The following SH3BGR variants were observed in gnomAD, a reference collection of about 807,000 sequenced individuals.
The protein encoded by SH3BGR is SH3 domain-binding glutamic acid-rich protein.
SH3BGR carries 29 observed loss-of-function variants against 24.5 expected under a neutral mutation model. That is an observed-to-expected ratio of 1.18 (90% CI 0.88 to 1.61). The LOEUF (loss-of-function observed/expected upper bound fraction) is 1.61. Among genes scored for constraint, SH3BGR ranks in the 40% most tolerant of loss-of-function variants. SH3BGR has a pLI of 0.00. For synonymous variants in SH3BGR, 55 were observed against 65.7 expected (o/e 0.84, Z 0.79); for missense variants, 162 against 205.8 (o/e 0.79, Z 1.30).
intron 4 of SH3BGR, among the ~76,000 whole-genome samples, chr21:39,502,067 G>C (rs377331337): frequency 6.8e-4 from 103 of 152,344 alleles, no homozygotes; most frequent in African/African-American, 2.5e-3. Flanking sequence ...CAGCTATTTG[G>C]GAAGCTGAGG....
intron 4 of SH3BGR, among the ~76,000 whole-genome samples, chr21:39,503,583 A>T (rs971072420): frequency 6.6e-6 from 1 of 152,236 alleles, no homozygotes; most frequent in Non-Finnish European, 1.5e-5. Flanking sequence ...CTGCTATGAA[A>T]CATGCATACT....
intron 3 of SH3BGR, among the ~76,000 whole-genome samples, chr21:39,492,468 A>ATAT (rs2078318470): frequency 1.7e-5 from 2 of 115,182 alleles, no homozygotes; most frequent in African/African-American, 7.1e-5. Flanking sequence ...GTGTGTGTGT[A>ATAT]TATATATATA....
At chr21:39,469,225 G>A (rs996456342) in intron 2 of SH3BGR, among the ~76,000 whole-genome samples, 5 of 148,088 alleles carry the variant, frequency 3.4e-5, no homozygotes, top group Non-Finnish European at 1.5e-5. Flanking sequence ...ATCCCCCCAA[G>A]TTTTAAATAA....
intron 3 of SH3BGR, among the ~76,000 whole-genome samples, chr21:39,482,574 G>C (rs9984540): frequency 0.56 from 84,617 of 152,050 alleles, 23,948 homozygotes; most frequent in East Asian, 0.68. Context: ...GGTGCAGTTT[G>C]ATAAGACAGA....
intron 1 of SH3BGR, among the ~76,000 whole-genome samples, chr21:39,457,888 G>A (rs2148452956): frequency 6.6e-6 from 1 of 152,120 alleles, no homozygotes; most frequent in African/African-American, 2.4e-5. Flanking sequence ...TCGTGCCACT[G>A]CGCTCCAGCC....
At chr21:39,477,067 A>G (rs2078039156) in intron 3 of SH3BGR, among the ~76,000 whole-genome samples, 1 of 151,964 alleles carries the variant, frequency 6.6e-6, no homozygotes, top group Admixed American at 6.6e-5. Context: ...TTATAGCATT[A>G]GAATCTTTTA....
chr21:39,451,186 TATAA>T (rs906167699), upstream of SH3BGR, among the ~76,000 whole-genome samples: 2 of 152,210 alleles, frequency 1.3e-5, no homozygotes, highest in African/African-American at 4.8e-5. Flanking sequence ...CACAAATATA[TATAA>T]ATAAACACAA....
Position 39,511,934 on chromosome 21 carries a change from C to T in SH3BGR, c.*34+125C>T. ...CAGGGCTGTCTGTCTCCTTCCAAAGCCCTGGTCTGCACACCTTTCTGGCGG... is the reference window on the plus strand; with the variant it reads ...CAGGGCTGTCTGTCTCCTTCCAAAGTCCTGGTCTGCACACCTTTCTGGCGG... On this transcript the variant is annotated intron_variant, in intron 6 of 6. Transcript: ENST00000333634. This position sits in a 1 kb window ranked among gnomAD's most constrained non-coding sequence, Gnocchi z 4.2. The T allele has an allele frequency of 2.3e-6, 2 of 878,672 alleles. No homozygotes were observed. The highest frequency in any genetic ancestry group is 3.3e-6 in the Non-Finnish European group (2 of 608,772). The allele number at this position is 878,672 out of a possible 1,614,324, so 54.4% of individuals were successfully genotyped here.
intron 2 of SH3BGR, among the ~76,000 whole-genome samples, chr21:39,470,505 G>A (rs192783541): frequency 2.2e-3 from 333 of 151,960 alleles, no homozygotes; most frequent in African/African-American, 7.8e-3. Flanking sequence ...CAGATGATCC[G>A]CCCACCTTGG....
chr21:39,453,143 C>T (rs560815744), intron 1 of SH3BGR, among the ~76,000 whole-genome samples: 30 of 152,142 alleles, frequency 2.0e-4, no homozygotes, highest in Admixed American at 1.2e-3. Flanking sequence ...CAAAGGCAGC[C>T]GCTGAGTGCC....
At chr21:39,452,308 A>G (rs1225597993) in intron 1 of SH3BGR, 167 bp downstream of exon 1, 4 of 312,438 alleles carry the variant, frequency 1.3e-5, no homozygotes, top group African/African-American at 9.0e-5. Flanking sequence ...TAGTGTTGAA[A>G]AAGCATGGAA....
rs138920667 is a variant in SH3BGR, at chr21:39,504,727, C to T, written c.406-4271C>T. On this transcript the variant is annotated intron_variant, in intron 4 of 6. Coordinates refer to ENST00000333634, the MANE Select transcript of SH3BGR (RefSeq NM_007341.3). ...TTTGTGCCTATAATTACTTGCCAGCCGTGAAAGTCAATTCAAGCATTTTAC... is the reference window on the plus strand; with the variant it reads ...TTTGTGCCTATAATTACTTGCCAGCTGTGAAAGTCAATTCAAGCATTTTAC... 1.4e-3 allele frequency among the ~76,000 whole-genome samples: 218 copies of T among 152,234 alleles called. 2 individuals carry two copies. The highest frequency in any genetic ancestry group is 4.5e-3 in the African/African-American group (187 of 41,542).
At chr21:39,505,097 G>A (rs548691483) in intron 4 of SH3BGR, among the ~76,000 whole-genome samples, 33 of 152,286 alleles carry the variant, frequency 2.2e-4, no homozygotes, top group African/African-American at 7.5e-4. Flanking sequence ...ACAGGCATGT[G>A]CCACCACGCC....
chr21:39,507,710 A>G (rs1254605244), intron 4 of SH3BGR, among the ~76,000 whole-genome samples: 2 of 152,130 alleles, frequency 1.3e-5, no homozygotes, highest in East Asian at 1.9e-4. Context: ...CAGTGGCATG[A>G]TCATAGCTCA....
chr21:39,499,764 GT>G (rs367637028), intron 3 of SH3BGR, 58 bp from the exon 4 acceptor site: 10,739 of 1,014,946 alleles, frequency 0.011, 15 homozygotes, highest in African/African-American at 0.025. Flanking sequence ...TATGTGGCCT[GT>G]TTTTTTTTTT....
chr21:39,447,416 C>CATTTTTTTTTTTTTTTTTTTT (rs1227234170), upstream of SH3BGR, among the ~76,000 whole-genome samples: 2 of 114,710 alleles, frequency 1.7e-5, no homozygotes. Context: ...TTCGCTTTTG[C>CATTTTTTTTTTTTTTTTTTTT]TTTTTTTTTT....
In SH3BGR at chr21:39,462,571, G is replaced by A; in HGVS notation, c.231+11G>A. 2.6e-6 allele frequency: 4 copies of A among 1,517,954 alleles called. No individual in the cohort carries two copies. The highest frequency in any genetic ancestry group is 3.5e-6 in the Non-Finnish European group (4 of 1,139,646). The allele number at this position is 1,517,954 out of a possible 1,614,324, so 94.0% of individuals were successfully genotyped here. A position where few individuals can be genotyped will look rare whatever the true frequency, so the allele number is the denominator to read the frequency against. On this transcript the variant is annotated intron_variant, in intron 2 of 6. Coordinates refer to ENST00000333634, the MANE Select transcript of SH3BGR (RefSeq NM_007341.3). ...GAGCAGTACTGTGGGGTGAGTATGT[G>A]CTTCTATTAAAAATCCTGCTGTGTG...
At chr21:39,454,829 G>A (rs1569148009) in intron 1 of SH3BGR, among the ~76,000 whole-genome samples, 2 of 152,244 alleles carry the variant, frequency 1.3e-5, no homozygotes, top group Non-Finnish European at 2.9e-5. Context: ...TGGCCCGTGT[G>A]ACAGTGCACT....
At chr21:39,509,776 G>C (rs928688633) in intron 5 of SH3BGR, among the ~76,000 whole-genome samples, 1 of 151,320 alleles carries the variant, frequency 6.6e-6, no homozygotes, top group Admixed American at 6.6e-5. Flanking sequence ...CACTGGGCCT[G>C]GATTAATCAC....
Sources: allele counts gnomAD v4.1 joint callset (sites outside exome capture counted in the v4.1 genomes callset), GRCh38; gene constraint gnomAD v4.1.1; non-coding constraint Gnocchi (gnomAD v3.1); transcripts MANE v1.5; gene names NCBI Gene and HGNC (gene_info 2026-07-23, HGNC 2026-07-21).